Variants in KCNIP4 observed in about 807,000 individuals in gnomAD.
KCNIP4 encodes potassium voltage-gated channel interacting protein 4.
In KCNIP4, 12 loss-of-function variants were observed where a neutral mutation model predicts 34.0. The ratio of observed to expected loss-of-function variants is 0.35; its 90% CI spans 0.23 to 0.57. The LOEUF (loss-of-function observed/expected upper bound fraction) is 0.57. KCNIP4 is among the 20% of genes least tolerant of loss of function. The pLI, the probability that KCNIP4 is intolerant of heterozygous loss-of-function variation, is 0.83. For missense variants in KCNIP4, 238 were observed against 311.7 expected (o/e 0.76, Z 1.78); for synonymous variants, 124 against 102.2 (o/e 1.21, Z -1.29).
intron 1 of KCNIP4, among the ~76,000 whole-genome samples, chr4:20,964,749 TA>T (rs1734180552): frequency 6.6e-6 from 1 of 152,200 alleles, no homozygotes; most frequent in African/African-American, 2.4e-5. Context: ...TTATTTAAAA[TA>T]TCCAATTTTC....
At chr4:21,702,124 A>G (rs1478619790) in intron 1 of KCNIP4, among the ~76,000 whole-genome samples, 2 of 152,208 alleles carry the variant, frequency 1.3e-5, no homozygotes, top group African/African-American at 4.8e-5. Context: ...GGGTGGCTAA[A>G]ACAACAGACA....
At chr4:21,524,701 T>C (rs1735825452) in intron 1 of KCNIP4, among the ~76,000 whole-genome samples, 1 of 152,134 alleles carries the variant, frequency 6.6e-6, no homozygotes. Context: ...TTTCTTCCTA[T>C]CACTTATTTT....
At chr4:21,008,294 C>CT (rs2149727881) in intron 1 of KCNIP4, among the ~76,000 whole-genome samples, 1 of 152,278 alleles carries the variant, frequency 6.6e-6, no homozygotes, top group South Asian at 2.1e-4. Flanking sequence ...CTCCTCCACC[C>CT]TTTTTGTTCT....
At chr4:21,034,873 C>G (rs80344660) in intron 1 of KCNIP4, among the ~76,000 whole-genome samples, 51 of 152,318 alleles carry the variant, frequency 3.3e-4, no homozygotes, top group African/African-American at 1.2e-3. Context: ...TGGTTTACAC[C>G]TGCAGAAACG....
At chr4:21,890,933 A>G (rs1727055837) in intron 1 of KCNIP4, among the ~76,000 whole-genome samples, 2 of 152,148 alleles carry the variant, frequency 1.3e-5, no homozygotes, top group South Asian at 4.1e-4. Flanking sequence ...GGTAGACAAG[A>G]GAACTGTGAC....
Position 21,212,926 on chromosome 4 carries a change from TAAACAAA to T in KCNIP4, c.62-330224_62-330218del, listed in dbSNP as rs536813541. ...AAGGCATAGATATGCATATAGCACA[TAAACAAA>T]TATACAGTATACATGGGGTATTAAA... On this transcript the variant is annotated intron_variant, in intron 1 of 8. Coordinates refer to ENST00000382152, the MANE Select transcript of KCNIP4 (RefSeq NM_025221.6). Among the ~76,000 whole-genome samples the T allele has an allele frequency of 2.7e-3, 411 of 152,236 alleles. 1 individual carries two copies. The highest frequency in any genetic ancestry group is 7.4e-3 in the African/African-American group (307 of 41,552).
intron 1 of KCNIP4, among the ~76,000 whole-genome samples, chr4:20,970,789 T>C (rs965423366): frequency 6.6e-6 from 1 of 152,220 alleles, no homozygotes; most frequent in Non-Finnish European, 1.5e-5. Flanking sequence ...GAGTAGCCTA[T>C]TGTATTACCA....
intron 2 of KCNIP4, among the ~76,000 whole-genome samples, chr4:20,859,294 C>A (rs561485985): frequency 1.3e-5 from 2 of 152,124 alleles, no homozygotes; most frequent in African/African-American, 2.4e-5. Flanking sequence ...AGACAAAAAC[C>A]AGAACCAGAT....
At chr4:21,093,399 G>A (rs1747167506) in intron 1 of KCNIP4, among the ~76,000 whole-genome samples, 1 of 152,136 alleles carries the variant, frequency 6.6e-6, no homozygotes, top group Non-Finnish European at 1.5e-5. Context: ...AACATAAGCT[G>A]AATGCAAGAT....
At chr4:21,663,214 C>T (rs974333180) in intron 1 of KCNIP4, among the ~76,000 whole-genome samples, 1 of 152,128 alleles carries the variant, frequency 6.6e-6, no homozygotes, top group Admixed American at 6.5e-5. Context: ...TTATCGATGA[C>T]ATTAAATGGA....
At chr4:21,104,470 G>T (rs1402546352) in intron 1 of KCNIP4, among the ~76,000 whole-genome samples, 4 of 152,038 alleles carry the variant, frequency 2.6e-5, no homozygotes, top group Admixed American at 6.6e-5. Flanking sequence ...ATTTGTTTAA[G>T]TTCTTTGTAG....
intron 1 of KCNIP4, among the ~76,000 whole-genome samples, chr4:21,038,460 A>G (rs1741658328): frequency 6.6e-6 from 1 of 152,150 alleles, no homozygotes; most frequent in African/African-American, 2.4e-5. Context: ...CAGTCTCATG[A>G]GGCTGTGACT....
intron 1 of KCNIP4, among the ~76,000 whole-genome samples, chr4:21,355,434 A>G (rs890474002): frequency 2.6e-5 from 4 of 152,122 alleles, no homozygotes; most frequent in South Asian, 2.1e-4. Context: ...AAGAGAGAAG[A>G]ATCAAATAGA....
intron 1 of KCNIP4, among the ~76,000 whole-genome samples, chr4:21,905,731 C>T (rs543507127): frequency 4.0e-4 from 61 of 152,274 alleles, no homozygotes; most frequent in African/African-American, 9.9e-4. Flanking sequence ...CTTCTGTGTA[C>T]GCTTCAAAAG....
chr4:20,853,824 AG>A (rs1398622607), intron 2 of KCNIP4, among the ~76,000 whole-genome samples: 4 of 152,226 alleles, frequency 2.6e-5, no homozygotes, highest in African/African-American at 4.8e-5. Context: ...CCCATCAAAA[AG>A]TAAGCTAAAG....
chr4:21,101,477 G>A (rs1747935353), intron 1 of KCNIP4, among the ~76,000 whole-genome samples: 1 of 152,052 alleles, frequency 6.6e-6, no homozygotes, highest in African/African-American at 2.4e-5. Flanking sequence ...CTTTGTGACT[G>A]TGAATAGTGC....
chr4:21,139,999 A>C (rs1421674861), intron 1 of KCNIP4, among the ~76,000 whole-genome samples: 1 of 152,208 alleles, frequency 6.6e-6, no homozygotes, highest in East Asian at 1.9e-4. Flanking sequence ...TCAAAGTTAC[A>C]GGATAGATGT....
At chr4:20,889,772 A>G (rs973367436) in intron 1 of KCNIP4, among the ~76,000 whole-genome samples, 2 of 151,664 alleles carry the variant, frequency 1.3e-5, no homozygotes, top group African/African-American at 4.8e-5. Flanking sequence ...AAGTTCAAAA[A>G]AAAAAAAAAA....
At chr4:21,446,917 G>A (rs1427869658) in intron 1 of KCNIP4, among the ~76,000 whole-genome samples, 1 of 151,624 alleles carries the variant, frequency 6.6e-6, no homozygotes, top group East Asian at 1.9e-4. Flanking sequence ...CAGAATTTCT[G>A]CAATCACTTT....
Sources: gnomAD v4.1 joint callset for allele counts (sites outside exome capture counted in the v4.1 genomes callset) on GRCh38, gnomAD v4.1.1 for gene constraint, MANE v1.5 for transcripts, NCBI Gene and HGNC (gene_info 2026-07-23, HGNC 2026-07-21) for gene names.